Variants in PIKFYVE observed in about 807,000 individuals in gnomAD.
The protein encoded by PIKFYVE is 1-phosphatidylinositol 3-phosphate 5-kinase.
Under a neutral mutation model 257.9 loss-of-function variants are expected in PIKFYVE, and 122 were observed. That is an observed-to-expected ratio of 0.47 (90% confidence interval 0.41 to 0.55). PIKFYVE has a LOEUF of 0.55. Ranked by LOEUF, PIKFYVE falls within the 20% of genes least tolerant of loss-of-function variation. PIKFYVE has a pLI of 0.00. For missense variants in PIKFYVE, 2,160 were observed against 2,536.6 expected (o/e 0.85, Z 3.19); for synonymous variants, 892 against 868.9 (o/e 1.03, Z -0.47).
intron 31 of PIKFYVE, 137 bp from the exon 32 acceptor site, chr2:208,342,417 C>G (rs775162894): frequency 3.5e-5 from 23 of 664,644 alleles, no homozygotes; most frequent in Non-Finnish European, 5.7e-5. Context: ...TTCTAATTGC[C>G]TTCAAAAACT....
At position 208,341,963 on chromosome 2, in the gene PIKFYVE, T is replaced by TC. The variant is rs397828876; in HGVS notation, c.4932-590dup. Among the ~76,000 whole-genome samples, 42 of 151,638 alleles carry TC rather than the reference T, an allele frequency of 2.8e-4. 1 individual carries two copies. In the East Asian group the frequency reaches 4.0e-3, roughly 15 times the overall value. On this transcript the variant is annotated intron_variant, in intron 31 of 41. Coordinates refer to ENST00000264380, the MANE Select transcript of PIKFYVE (RefSeq NM_015040.4). ...AACCCTATGGTGCCAATTTTTTTTTTCGCCATTGTATTGTTAACATCTTAC... is the reference window on the plus strand; with the variant it reads ...AACCCTATGGTGCCAATTTTTTTTTTCCGCCATTGTATTGTTAACATCTTAC...
intron 37 of PIKFYVE, 55 bp from the exon 38 acceptor site, chr2:208,351,297 A>G (rs1359264045): frequency 7.9e-7 from 1 of 1,263,232 alleles, no homozygotes; most frequent in African/African-American, 1.5e-5. Context: ...ATGATGTGTT[A>G]TAGATTACAG....
intron 32 of PIKFYVE, among the ~76,000 whole-genome samples, chr2:208,343,072 G>A (rs1207141589): frequency 2.0e-5 from 3 of 152,254 alleles, no homozygotes; most frequent in Admixed American, 2.0e-4. Context: ...TGGAATTACA[G>A]GCGTGAGCCA....
chr2:208,335,386 C>G lies in PIKFYVE; in HGVS notation c.4223C>G (p.Ser1408Cys), dbSNP rs1396484010. The G allele has an allele frequency of 6.2e-7, 1 of 1,611,120 alleles. No individual in the cohort carries two copies. The highest frequency in any genetic ancestry group is 1.3e-5 in the African/African-American group (1 of 74,852). ...FIKRQAPLKVSLLQDLKDFFQ... is the reference protein window; with the variant it reads ...FIKRQAPLKVCLLQDLKDFFQ... ...AAGCGTCAGGCCCCATTAAAAGTGT[C>G]CCTTCTTCAGGATCTGAAGGACTTC... is the stretch of plus-strand genomic sequence containing the variant. Residue 1408 changes from serine to cysteine, a missense_variant, in exon 25 of 42, where the codon TCC becomes TGC. By Grantham distance (112) the Ser-to-Cys change is moderately radical. Coordinates refer to ENST00000264380, the MANE Select transcript of PIKFYVE (RefSeq NM_015040.4).
At chr2:208,336,308 A>G in intron 27 of PIKFYVE, 108 bp downstream of exon 27, 1 of 1,302,424 alleles carries the variant, frequency 7.7e-7, no homozygotes, top group African/African-American at 1.5e-5. Flanking sequence ...TTTGTGCTCA[A>G]GTTAAAGAGC....
At chr2:208,335,740 T>G (rs1000594589) in intron 25 of PIKFYVE, 53 bp from the exon 26 acceptor site, 2 of 1,337,534 alleles carry the variant, frequency 1.5e-6, no homozygotes, top group Admixed American at 1.7e-5. Flanking sequence ...TTATGTGAGA[T>G]AGAAAATTTG....
rs1700000356 is a variant in PIKFYVE at position 208,354,021 on chromosome 2, A to G, written c.5968A>G (p.Ile1990Val). The part of the protein sequence containing the change: ...LKMVRDNPLY[I>V]RSHSKAVLRT... ...GATGGTTCGAGACAACCCTCTATAT[A>G]TTCGTTCTCATTCCAAAGCTGTGCT... Residue 1990 changes from isoleucine (I) to valine (V), a missense_variant, in exon 40 of 42, where the codon ATT becomes GTT. Physicochemically the swap from Ile to Val is conservative, Grantham distance 29 (BLOSUM62 3). Around this residue, in one of 12 missense-constraint regions of PIKFYVE, gnomAD observed 699 missense variants for 855.8 expected, o/e 0.82. Coordinates refer to ENST00000264380, the MANE Select transcript of PIKFYVE (RefSeq NM_015040.4). The G allele has an allele frequency of 6.2e-7, 1 of 1,614,084 alleles. No individual in the cohort carries two copies. The highest frequency in any genetic ancestry group is 8.5e-7 in the Non-Finnish European group (1 of 1,179,966).
chr2:208,319,162 C>G (rs1321545130), intron 16 of PIKFYVE, among the ~76,000 whole-genome samples: 4 of 152,158 alleles, frequency 2.6e-5, no homozygotes, highest in African/African-American at 9.7e-5. Flanking sequence ...AGATTTCTAG[C>G]CTGAGCAACC....
intron 1 of PIKFYVE, among the ~76,000 whole-genome samples, chr2:208,270,284 C>T (rs182160186): frequency 7.2e-4 from 110 of 152,078 alleles, no homozygotes; most frequent in Admixed American, 6.5e-4. Context: ...TCAGGTGATC[C>T]GTCCACTTCG....
intron 41 of PIKFYVE, 130 bp downstream of exon 41, chr2:208,354,775 A>G (rs971136378): frequency 9.3e-6 from 7 of 752,876 alleles, no homozygotes; most frequent in African/African-American, 7.0e-5. Flanking sequence ...TGTCATTTCT[A>G]AAGTGACCAA....
At chr2:208,286,426 G>GT (rs1230735583) in intron 6 of PIKFYVE, among the ~76,000 whole-genome samples, 1 of 151,956 alleles carries the variant, frequency 6.6e-6, no homozygotes, top group East Asian at 1.9e-4. Flanking sequence ...GCTACTTCAT[G>GT]TTTTTTTGTA....
In PIKFYVE at chr2:208,324,210, G is replaced by C. The variant is rs1243010702; in HGVS notation, c.2259G>C (p.Glu753Asp). ...VDVRPTLVLVEKTVSRIAQDM... is the reference protein window; with the variant it reads ...VDVRPTLVLVDKTVSRIAQDM... ...TTCGACCCACCTTGGTTCTTGTTGA[G>C]AAAACAGTGTCTCGGATTGCCCAGG... Residue 753 changes from glutamate to aspartate, a missense_variant, in exon 18 of 42, where the codon GAG becomes GAC. Coordinates refer to ENST00000264380, the MANE Select transcript of PIKFYVE (RefSeq NM_015040.4). The C allele has an allele frequency of 6.2e-7, 1 of 1,613,976 alleles. No individual in the cohort carries two copies. Among genetic ancestry groups the C allele is most frequent in the South Asian group, 1.1e-5 (1 of 91,080 alleles).
chr2:208,343,911 A>G (rs1698971611), intron 32 of PIKFYVE, among the ~76,000 whole-genome samples: 1 of 148,468 alleles, frequency 6.7e-6, no homozygotes, highest in South Asian at 2.2e-4. Flanking sequence ...GGCTCACTGC[A>G]AGCTCCGCCT....
At chr2:208,279,567 A>C (rs1309605996) in intron 5 of PIKFYVE, among the ~76,000 whole-genome samples, 1 of 152,168 alleles carries the variant, frequency 6.6e-6, no homozygotes, top group Non-Finnish European at 1.5e-5. Flanking sequence ...ATCTTGAATT[A>C]ATTTTCGTAT....
rs751144798 is a variant in PIKFYVE, at chr2:208,315,177, TATA to T, written c.1827-12_1827-10del. ...GTATTAACTATGCAAACTTCTTTCTTATAATATTTTTGTAGTTCAGCTAATCAT... is the reference window on the plus strand; with the variant it reads ...GTATTAACTATGCAAACTTCTTTCTTATATTTTTGTAGTTCAGCTAATCAT... On this transcript the variant is annotated splice_polypyrimidine_tract_variant and intron_variant, in intron 14 of 41. Coordinates refer to ENST00000264380, the MANE Select transcript of PIKFYVE (RefSeq NM_015040.4). 37 of 1,606,528 alleles carry T rather than the reference TATA, an allele frequency of 2.3e-5. No individual in the cohort carries two copies. The Admixed American group carries it at 5.8e-4, about 25-fold the overall frequency.
rs756385856 is a variant in PIKFYVE, at chr2:208,336,905, C to A, written c.4588C>A (p.Leu1530Met). ...RPSVPPSPGR[L>M]RQGEESKISA... Reference sequence around the variant, plus strand: ...TTCAGTTCCTCCAAGTCCTGGAAGACTGAGACAAGGGGAAGAAAGCAAGGT... The same window carrying A: ...TTCAGTTCCTCCAAGTCCTGGAAGAATGAGACAAGGGGAAGAAAGCAAGGT... Residue 1530 changes from leucine (L) to methionine (M), a missense_variant, in exon 28 of 42, where the codon CTG (leucine) becomes ATG (methionine). By Grantham distance (15) the Leu-to-Met change is conservative. Transcript: ENST00000264380. The A allele has an allele frequency of 8.1e-6, 13 of 1,612,554 alleles. 1 individual carries two copies. The Admixed American group carries it at 2.2e-4, about 27-fold the overall frequency.
intron 22 of PIKFYVE, 115 bp downstream of exon 22, chr2:208,330,028 A>G: frequency 1.5e-6 from 2 of 1,370,186 alleles, no homozygotes; most frequent in Non-Finnish European, 2.0e-6. Context: ...CCTCACTTTC[A>G]TAGTGCATAT....
intron 12 of PIKFYVE, among the ~76,000 whole-genome samples, chr2:208,307,604 AT>A (rs1694483758): frequency 6.7e-6 from 1 of 148,778 alleles, no homozygotes; most frequent in Non-Finnish European, 1.5e-5. Flanking sequence ...TGGGTTCTTG[AT>A]TTGACTTTGG....
chr2:208,317,647 G>A (rs1490805717), intron 15 of PIKFYVE, among the ~76,000 whole-genome samples: 1 of 152,156 alleles, frequency 6.6e-6, no homozygotes, highest in Admixed American at 6.5e-5. Context: ...GTACTTTAGA[G>A]TCCTAGGGTA....
Sources: gnomAD v4.1 joint callset for allele counts (sites outside exome capture counted in the v4.1 genomes callset) on GRCh38, gnomAD v4.1.1 for gene constraint, gnomAD v4.1.1 regional missense constraint, MANE v1.5 for transcripts, NCBI Gene and HGNC (gene_info 2026-07-23, HGNC 2026-07-21) for gene names.